Variants in DNAH12 observed in about 807,000 individuals in gnomAD.
DNAH12 encodes the protein dynein axonemal heavy chain 12, also known as axonemal beta dynein heavy chain 12.
Under a neutral mutation model 371.5 loss-of-function variants are expected in DNAH12, and 285 were observed. The ratio of observed to expected loss-of-function variants is 0.77; its 90% CI spans 0.70 to 0.85. DNAH12 has a LOEUF of 0.85. DNAH12 is among the 40% of genes least tolerant of loss of function. DNAH12 has a pLI of 0.00. For synonymous variants in DNAH12, 1,200 were observed against 1,213.0 expected, an observed-to-expected ratio of 0.99 and a Z score of 0.22; for missense variants, 3,611 against 3,689.4, an observed-to-expected ratio of 0.98 and a Z score of 0.55.
intron 60 of DNAH12, among the ~76,000 whole-genome samples, chr3:57,338,372 A>T (rs1005406616): frequency 1.1e-4 from 16 of 152,018 alleles, no homozygotes; most frequent in African/African-American, 3.9e-4. Context: ...CCCGTCTGGG[A>T]TGTGAGGAGC....
chr3:57,425,419 T>C (rs1411054663), intron 34 of DNAH12, among the ~76,000 whole-genome samples: 6 of 151,340 alleles, frequency 4.0e-5, no homozygotes, highest in Admixed American at 6.6e-5. Flanking sequence ...TTTTTTTTTT[T>C]CCCAGATAGG....
chr3:57,438,370 T>C (rs1352611441), intron 29 of DNAH12, among the ~76,000 whole-genome samples: 2 of 152,106 alleles, frequency 1.3e-5, no homozygotes, highest in African/African-American at 4.8e-5. Context: ...TCTTAGCCTG[T>C]ATAATTATTT....
At chr3:57,497,099 G>C (rs140375102) in intron 11 of DNAH12, among the ~76,000 whole-genome samples, 1 of 152,112 alleles carries the variant, frequency 6.6e-6, no homozygotes, top group Admixed American at 6.6e-5. Context: ...AATTAAAGAA[G>C]GTTCAAATAA....
At chr3:57,466,938 A>G (rs755839055) in intron 17 of DNAH12, among the ~76,000 whole-genome samples, 1 of 151,348 alleles carries the variant, frequency 6.6e-6, no homozygotes, top group Non-Finnish European at 1.5e-5. Context: ...TATTTTTTGT[A>G]GAGGTAGGGT....
At chr3:57,495,017 A>T (rs2067260252) in intron 11 of DNAH12, among the ~76,000 whole-genome samples, 1 of 151,938 alleles carries the variant, frequency 6.6e-6, no homozygotes, top group Non-Finnish European at 1.5e-5. Flanking sequence ...TCAAAAAAAA[A>T]AATGTTACTA....
At chr3:57,442,321 T>C (rs1441146181) in intron 29 of DNAH12, among the ~76,000 whole-genome samples, 1 of 151,608 alleles carries the variant, frequency 6.6e-6, no homozygotes, top group Non-Finnish European at 1.5e-5. Flanking sequence ...CAGAAAATAA[T>C]AACAATGCAT....
chr3:57,445,724 C>T (rs537349676), intron 27 of DNAH12, among the ~76,000 whole-genome samples: 1 of 152,226 alleles, frequency 6.6e-6, no homozygotes, highest in East Asian at 1.9e-4. Flanking sequence ...TACAGTGGCT[C>T]ATGCCTGTAA....
intron 69 of DNAH12, 141 bp downstream of exon 69, chr3:57,309,010 C>T (rs1292933633): frequency 3.5e-5 from 19 of 546,562 alleles, no homozygotes; most frequent in Non-Finnish European, 5.8e-5. Context: ...CCGCTTGAAG[C>T]AGCCCTGAGA....
intron 4 of DNAH12, among the ~76,000 whole-genome samples, chr3:57,520,689 C>T (rs2068394712): frequency 6.6e-6 from 1 of 152,086 alleles, no homozygotes; most frequent in African/African-American, 2.4e-5. Flanking sequence ...GATCCGCCCA[C>T]CCCGGCTTCC....
At chr3:57,410,409 C>G (rs1265068805) in intron 39 of DNAH12, among the ~76,000 whole-genome samples, 1 of 152,124 alleles carries the variant, frequency 6.6e-6, no homozygotes, top group African/African-American at 2.4e-5. Context: ...AAAACCTTAA[C>G]TGATTAAATA....
At chr3:57,509,282 C>G in intron 5 of DNAH12, 70 bp from the exon 6 acceptor site, 1 of 1,459,486 alleles carries the variant, frequency 6.9e-7, no homozygotes, top group African/African-American at 1.4e-5. Context: ...AAGTTTCTAA[C>G]TTTTGATTTT....
At chr3:57,324,730 G>C (rs1173090115) in intron 62 of DNAH12, among the ~76,000 whole-genome samples, 1 of 152,210 alleles carries the variant, frequency 6.6e-6, no homozygotes, top group Non-Finnish European at 1.5e-5. Flanking sequence ...CAGGTCAGTG[G>C]GTGCAGCGCA....
chr3:57,326,376 C>G (rs2061946784), intron 62 of DNAH12, among the ~76,000 whole-genome samples: 1 of 152,208 alleles, frequency 6.6e-6, no homozygotes, highest in African/African-American at 2.4e-5. Context: ...AGAAACTCTA[C>G]AAGCCAGAAG....
chr3:57,363,922 C>T (rs1294142606), intron 57 of DNAH12, 136 bp from the exon 58 acceptor site: 1 of 152,084 alleles, frequency 6.6e-6, no homozygotes, highest in Admixed American at 6.6e-5. Context: ...AAAACTTTCA[C>T]ACATATAACT....
At chr3:57,506,423 C>T (rs553582338) in intron 8 of DNAH12, among the ~76,000 whole-genome samples, 12 of 152,088 alleles carry the variant, frequency 7.9e-5, no homozygotes, top group South Asian at 6.2e-4. Flanking sequence ...TTTGTTTATT[C>T]ATTTATTTAT....
At chr3:57,454,595 C>T (rs2065851867) in intron 23 of DNAH12, among the ~76,000 whole-genome samples, 180 bp downstream of exon 23, 1 of 151,892 alleles carries the variant, frequency 6.6e-6, no homozygotes, top group Non-Finnish European at 1.5e-5. Flanking sequence ...TGGGGCCAGG[C>T]ACAGTGGCTC....
Position 57,460,685 on chromosome 3 carries a change from A to G in DNAH12, c.2736+804T>C, listed in dbSNP as rs1395113857. 2.0e-5 allele frequency among the ~76,000 whole-genome samples: 3 copies of G among 152,308 alleles called. No individual in the cohort carries two copies. In the East Asian group the frequency reaches 5.8e-4, roughly 29 times the overall value. On this transcript the variant is annotated intron_variant, in intron 19 of 73. Coordinates refer to ENST00000495027, the MANE Select transcript of DNAH12 (RefSeq NM_001366028.2). ...ATTACTCTGTTTTCTCCGAATAATG[A>G]CAGCCAAAATCTTCTATAAAACAAT...
chr3:57,410,659 T>C (rs1326999416), intron 39 of DNAH12, among the ~76,000 whole-genome samples: 2 of 151,770 alleles, frequency 1.3e-5, no homozygotes, highest in African/African-American at 2.4e-5. Context: ...CTACTAAAAA[T>C]ACAAAAATTA....
At chr3:57,378,840 A>T in intron 52 of DNAH12, among the ~76,000 whole-genome samples, 1 of 151,988 alleles carries the variant, frequency 6.6e-6, no homozygotes, top group East Asian at 1.9e-4. Context: ...GATGTTTTAG[A>T]TTTTTCTTTG....
Sources: allele counts gnomAD v4.1 joint callset (sites outside exome capture counted in the v4.1 genomes callset), GRCh38; gene constraint gnomAD v4.1.1; transcripts MANE v1.5; gene names NCBI Gene and HGNC (gene_info 2026-07-23, HGNC 2026-07-21).